Variants in LRPPRC observed in about 807,000 individuals in gnomAD.
LRPPRC encodes the protein leucine-rich PPR motif-containing protein, mitochondrial.
In LRPPRC, 120 loss-of-function variants were observed where a neutral mutation model predicts 180.3. The observed-to-expected ratio is 0.67, with a 90% CI of 0.57 to 0.77. The LOEUF is 0.77. Ranked by LOEUF, LRPPRC falls within the 30% of genes least tolerant of loss-of-function variation. The pLI is 0.00. For synonymous variants in LRPPRC, 723 were observed against 600.0 expected (o/e 1.21, Z -3.00); for missense variants, 2,012 against 1,657.2 (o/e 1.21, Z -3.72).
intron 1 of LRPPRC, among the ~76,000 whole-genome samples, chr2:43,988,930 T>A (rs1325771041): frequency 6.6e-6 from 1 of 152,082 alleles, no homozygotes; most frequent in African/African-American, 2.4e-5. Flanking sequence ...AGTGCAGTGG[T>A]GCAATTATGG....
chr2:43,894,023 A>T (rs150843039), intron 36 of LRPPRC, among the ~76,000 whole-genome samples: 1 of 152,170 alleles, frequency 6.6e-6, no homozygotes, highest in Non-Finnish European at 1.5e-5. Flanking sequence ...TTGTCTGGCA[A>T]TCAGGGAACA....
At chr2:43,956,470 G>GA (rs1397609016) in intron 14 of LRPPRC, among the ~76,000 whole-genome samples, 54 of 111,230 alleles carry the variant, frequency 4.9e-4, no homozygotes, top group African/African-American at 1.9e-3. Flanking sequence ...CAGCCAAAAA[G>GA]AAAAAAACGT....
chr2:43,994,808 A>G (rs973329824), intron 1 of LRPPRC, among the ~76,000 whole-genome samples: 1 of 152,174 alleles, frequency 6.6e-6, no homozygotes, highest in South Asian at 2.1e-4. Context: ...CTCCACTACA[A>G]AAGTCTATAC....
At chr2:43,988,195 C>T (rs1030379679) in intron 1 of LRPPRC, among the ~76,000 whole-genome samples, 4 of 146,260 alleles carry the variant, frequency 2.7e-5, no homozygotes, top group African/African-American at 5.1e-5. Context: ...GAGCCAAGAT[C>T]GCCCCACTGC....
chr2:43,973,564 G>A (rs1308308107), intron 11 of LRPPRC, 43 bp downstream of exon 11: 2 of 1,238,422 alleles, frequency 1.6e-6, no homozygotes, highest in Non-Finnish European at 2.4e-6. Context: ...CTGTCATACT[G>A]GCTCTGGGAA....
chr2:43,977,306 G>A (rs1674101092), intron 3 of LRPPRC, 30 bp from the exon 4 acceptor site: 2 of 1,557,264 alleles, frequency 1.3e-6, no homozygotes, highest in South Asian at 1.1e-5. Context: ...TGAATTTTTA[G>A]AAAAGCATTG....
At chr2:43,994,740 T>C (rs560005156) in intron 1 of LRPPRC, among the ~76,000 whole-genome samples, 3 of 152,326 alleles carry the variant, frequency 2.0e-5, no homozygotes, top group East Asian at 3.9e-4. Context: ...TCCCCTTCTC[T>C]GGTGGTCAGA....
chr2:43,943,587 G>A, intron 23 of LRPPRC, 100 bp downstream of exon 23: 1 of 980,806 alleles, frequency 1.0e-6, no homozygotes, highest in Non-Finnish European at 1.6e-6. Context: ...TGACCTCCAA[G>A]GCTTCCCCAT....
intron 14 of LRPPRC, among the ~76,000 whole-genome samples, chr2:43,955,379 G>T (rs1013284012): frequency 8.6e-5 from 13 of 150,812 alleles, no homozygotes; most frequent in Admixed American, 2.0e-4. Flanking sequence ...TGAAGCAGGA[G>T]GATTACTTGA....
At chr2:43,978,994 T>C (rs541357286) in intron 3 of LRPPRC, among the ~76,000 whole-genome samples, 36 of 152,286 alleles carry the variant, frequency 2.4e-4, no homozygotes, top group Middle Eastern at 6.8e-3. Flanking sequence ...TCTTATTTCA[T>C]TGCATTATAC....
chr2:43,902,482 C>T (rs184655779), intron 31 of LRPPRC: 1 of 152,104 alleles, frequency 6.6e-6, no homozygotes, highest in East Asian at 1.9e-4. Flanking sequence ...CTTAGTTTTA[C>T]AGAAAAATGG....
At chr2:43,955,304 C>T (rs1673063018) in intron 14 of LRPPRC, among the ~76,000 whole-genome samples, 1 of 151,422 alleles carries the variant, frequency 6.6e-6, no homozygotes, top group African/African-American at 2.4e-5. Context: ...TCCATCTCCA[C>T]AAAAAAATTT....
At chr2:43,970,351 C>T (rs766410847) in intron 11 of LRPPRC, among the ~76,000 whole-genome samples, 3 of 152,168 alleles carry the variant, frequency 2.0e-5, no homozygotes, top group Non-Finnish European at 4.4e-5. Flanking sequence ...CTCGCTCAGG[C>T]AGCCTGAGAG....
At chr2:43,994,572 T>A (rs564229633) in intron 1 of LRPPRC, among the ~76,000 whole-genome samples, 1 of 147,470 alleles carries the variant, frequency 6.8e-6, no homozygotes, top group East Asian at 1.9e-4. Context: ...AATTTGAGGA[T>A]AAAATGCAGA....
intron 11 of LRPPRC, among the ~76,000 whole-genome samples, chr2:43,964,696 TAA>T (rs548973978): frequency 6.7e-6 from 1 of 148,838 alleles, no homozygotes; most frequent in African/African-American, 2.5e-5. Flanking sequence ...TTTAATTATG[TAA>T]AAAAAAAACT....
At chr2:43,922,242 A>C (rs867468642) in intron 27 of LRPPRC, among the ~76,000 whole-genome samples, 12 of 152,230 alleles carry the variant, frequency 7.9e-5, no homozygotes, top group African/African-American at 2.9e-4. Context: ...TATTAATAAA[A>C]GCTAGTATTT....
rs1670280047 is a variant in LRPPRC, at chr2:43,886,646, G to A, written c.*1954C>T. 6.6e-6 allele frequency: 1 copy of A among 152,218 alleles called. No individual in the cohort carries two copies. The highest frequency in any genetic ancestry group is 1.5e-5 in the Non-Finnish European group (1 of 68,056). 9.4% of individuals were successfully genotyped at this position (152,218 alleles called of 1,614,324 possible). Reference sequence around the variant, plus strand: ...TTACCAGAGTCCATATACAGGGCCAGTGTGGAGTCACTTCATGCAAATGAG... The same window carrying A: ...TTACCAGAGTCCATATACAGGGCCAATGTGGAGTCACTTCATGCAAATGAG... On this transcript the variant is annotated 3_prime_UTR_variant, in exon 38 of 38. Transcript: ENST00000260665.
intron 13 of LRPPRC, chr2:43,959,010 A>G (rs1274828855): frequency 2.0e-6 from 1 of 493,646 alleles, no homozygotes; most frequent in Non-Finnish European, 3.6e-6. Context: ...TATTCATTAA[A>G]AAGATGACCA....
At chr2:43,933,218 T>C (rs1193237990) in intron 25 of LRPPRC, among the ~76,000 whole-genome samples, 3 of 152,192 alleles carry the variant, frequency 2.0e-5, no homozygotes, top group Non-Finnish European at 4.4e-5. Context: ...TTCACAGTCC[T>C]CCTTTTCTAT....
Sources: gnomAD v4.1 joint callset for allele counts (sites outside exome capture counted in the v4.1 genomes callset) on GRCh38, gnomAD v4.1.1 for gene constraint, MANE v1.5 for transcripts, NCBI Gene and HGNC (gene_info 2026-07-23, HGNC 2026-07-21) for gene names.